The following GRM8 variants were observed in gnomAD, a reference collection of about 807,000 sequenced individuals.
The protein encoded by GRM8 is metabotropic glutamate receptor 8.
GRM8 carries 47 observed loss-of-function variants against 87.2 expected under a neutral mutation model. The ratio of observed to expected loss-of-function variants is 0.54; its 90% CI spans 0.43 to 0.69. GRM8 has a LOEUF of 0.69. GRM8 is among the 30% of genes least tolerant of loss of function. The pLI is 0.00. For synonymous variants in GRM8, 396 were observed against 404.5 expected, an observed-to-expected ratio of 0.98 and a Z score of 0.25; for missense variants, 1,019 against 1,139.2, an observed-to-expected ratio of 0.89 and a Z score of 1.52.
chr7:126,526,537 T>G (rs1215350424), intron 9 of GRM8, among the ~76,000 whole-genome samples: 1 of 152,204 alleles, frequency 6.6e-6, no homozygotes, highest in African/African-American at 2.4e-5. Flanking sequence ...ACAATGTCAC[T>G]AATAATCAAC....
chr7:127,083,195 A>G (rs892477513), intron 3 of GRM8, among the ~76,000 whole-genome samples: 4 of 152,164 alleles, frequency 2.6e-5, no homozygotes, highest in African/African-American at 9.7e-5. Flanking sequence ...GTTCACCTCA[A>G]AGCATTTCTT....
intron 2 of GRM8, among the ~76,000 whole-genome samples, chr7:127,180,441 C>T (rs1234896877): frequency 6.6e-6 from 1 of 152,016 alleles, no homozygotes; most frequent in East Asian, 1.9e-4. Context: ...TGTTACCAAT[C>T]CTTTTGACAC....
intron 3 of GRM8, among the ~76,000 whole-genome samples, chr7:126,975,480 T>C (rs1769858207): frequency 1.3e-5 from 2 of 152,230 alleles, no homozygotes; most frequent in Non-Finnish European, 2.9e-5. Flanking sequence ...CAGTTTGTAA[T>C]TTGTTTCAAA....
At chr7:126,449,492 C>A (rs888900627) in intron 9 of GRM8, among the ~76,000 whole-genome samples, 3 of 151,792 alleles carry the variant, frequency 2.0e-5, no homozygotes, top group African/African-American at 7.2e-5. Context: ...AAGTATCCTC[C>A]CAGGAGTATA....
chr7:126,879,685 A>T lies in GRM8; in HGVS notation c.1156+22857T>A, dbSNP rs1372707834. On this transcript the variant is annotated intron_variant, in intron 6 of 10. Transcript: ENST00000339582. ...AAGGAATTAATTTTACACCAGTTAA[A>T]TAACAGAAGAAAAAGTTATACTGTA... 5.9e-5 allele frequency among the ~76,000 whole-genome samples: 9 copies of T among 152,260 alleles called. No homozygotes were observed. The East Asian group carries it at 1.5e-3, about 26-fold the overall frequency.
At chr7:127,119,481 GTCTCTCTC>G (rs66684637) in intron 2 of GRM8, among the ~76,000 whole-genome samples, 1 of 148,706 alleles carries the variant, frequency 6.7e-6, no homozygotes, top group East Asian at 2.0e-4. Context: ...GCGAGATCCT[GTCTCTCTC>G]TCTCTCTCTC....
At chr7:127,032,105 G>A (rs1375174638) in intron 3 of GRM8, among the ~76,000 whole-genome samples, 4 of 152,130 alleles carry the variant, frequency 2.6e-5, no homozygotes, top group African/African-American at 9.7e-5. Flanking sequence ...ACACCATCAT[G>A]TCCAAGTGGT....
chr7:126,639,354 C>T (rs10954128), intron 7 of GRM8, among the ~76,000 whole-genome samples: 43,505 of 152,034 alleles, frequency 0.29, 7,496 homozygotes, highest in South Asian at 0.41. Flanking sequence ...GCTTAACAAC[C>T]ATTTATTAAA....
At chr7:127,125,296 G>A (rs1295353309) in intron 2 of GRM8, among the ~76,000 whole-genome samples, 1 of 151,942 alleles carries the variant, frequency 6.6e-6, no homozygotes, top group Non-Finnish European at 1.5e-5. Context: ...AGAGATTAAT[G>A]GAAAAAAGTG....
At chr7:126,495,926 T>G (rs1194323039) in intron 9 of GRM8, among the ~76,000 whole-genome samples, 2 of 152,012 alleles carry the variant, frequency 1.3e-5, no homozygotes, top group Non-Finnish European at 1.5e-5. Context: ...GTTTGCACAG[T>G]AACTGTTGGT....
At chr7:127,137,594 G>A (rs181749844) in intron 2 of GRM8, among the ~76,000 whole-genome samples, 3 of 151,980 alleles carry the variant, frequency 2.0e-5, no homozygotes, top group Admixed American at 6.5e-5. Context: ...TTAAACTTAC[G>A]TAGGTTACTT....
At chr7:126,699,597 T>C (rs1809716850) in intron 7 of GRM8, among the ~76,000 whole-genome samples, 1 of 152,200 alleles carries the variant, frequency 6.6e-6, no homozygotes, top group South Asian at 2.1e-4. Flanking sequence ...CATTTTTCTA[T>C]TACATTTTGA....
At chr7:126,830,063 G>A (rs1395942867) in intron 6 of GRM8, among the ~76,000 whole-genome samples, 4 of 152,144 alleles carry the variant, frequency 2.6e-5, no homozygotes, top group Admixed American at 6.5e-5. Flanking sequence ...AGTTTCTGCC[G>A]AGAGATCAGC....
At chr7:127,145,887 T>C (rs1287159447) in intron 2 of GRM8, among the ~76,000 whole-genome samples, 1 of 152,080 alleles carries the variant, frequency 6.6e-6, no homozygotes, top group Non-Finnish European at 1.5e-5. Flanking sequence ...AAATTCAAGT[T>C]TAATTGGCAT....
chr7:127,046,877 T>C (rs904855459), intron 3 of GRM8, among the ~76,000 whole-genome samples: 1 of 152,114 alleles, frequency 6.6e-6, no homozygotes, highest in Non-Finnish European at 1.5e-5. Flanking sequence ...AAAAGACATA[T>C]TCTAAAATTT....
chr7:126,559,471 C>A (rs1162307426), intron 8 of GRM8, among the ~76,000 whole-genome samples: 3 of 152,132 alleles, frequency 2.0e-5, no homozygotes, highest in African/African-American at 7.2e-5. Flanking sequence ...CCACACTGAG[C>A]CAGCTACTGG....
chr7:126,708,441 C>T (rs1810766992), intron 7 of GRM8, among the ~76,000 whole-genome samples: 1 of 151,828 alleles, frequency 6.6e-6, no homozygotes, highest in South Asian at 2.1e-4. Context: ...TTCATTGCAG[C>T]ATTATTCACA....
At chr7:126,961,614 G>GC (rs1439579605) in intron 3 of GRM8, among the ~76,000 whole-genome samples, 6 of 152,158 alleles carry the variant, frequency 3.9e-5, no homozygotes, top group Non-Finnish European at 7.3e-5. Context: ...TCACCACAGA[G>GC]CAGGTGCTCT....
chr7:126,759,140 C>T (rs2151568237), intron 7 of GRM8, among the ~76,000 whole-genome samples: 2 of 152,116 alleles, frequency 1.3e-5, no homozygotes. Flanking sequence ...TCAAGTGATC[C>T]ACCCACCTCG....
Sources: allele counts gnomAD v4.1 joint callset (sites outside exome capture counted in the v4.1 genomes callset), GRCh38; gene constraint gnomAD v4.1.1; transcripts MANE v1.5; gene names NCBI Gene and HGNC (gene_info 2026-07-23, HGNC 2026-07-21).